Variants in TMEM44 observed in about 807,000 individuals in gnomAD.
TMEM44 encodes transmembrane protein 44.
A neutral mutation model predicts 47.8 loss-of-function variants in TMEM44; 43 were observed. That is an observed-to-expected ratio of 0.90 (90% CI 0.70 to 1.16). TMEM44 has a LOEUF of 1.16. TMEM44 is among the 50% of genes most tolerant of loss of function. The probability of loss-of-function intolerance (pLI) is 0.00; values close to 1 mark genes in which losing one functional copy is unlikely to be tolerated. For missense variants in TMEM44, 568 were observed against 555.2 expected (o/e 1.02, Z -0.23); for synonymous variants, 277 against 238.8 (o/e 1.16, Z -1.48).
At chr3:194,594,224 T>C (rs781563500) in intron 9 of TMEM44, among the ~76,000 whole-genome samples, 1 of 151,812 alleles carries the variant, frequency 6.6e-6, no homozygotes, top group Non-Finnish European at 1.5e-5. Context: ...AGTGTAATGG[T>C]ACGATCTCGG....
rs189227954 is a variant in TMEM44 at position 194,592,655 on chromosome 3, G to T, written c.1177-4016C>A. On this transcript the variant is annotated intron_variant, in intron 9 of 9. Coordinates refer to ENST00000347147, the MANE Select transcript of TMEM44 (RefSeq NM_001011655.3). ...TTTGAGATGGAGTTTCACTCTTGTTGCCCAGGCTGGAGTGCAATGGTGCAA... is the reference window on the plus strand; with the variant it reads ...TTTGAGATGGAGTTTCACTCTTGTTTCCCAGGCTGGAGTGCAATGGTGCAA... Among the ~76,000 whole-genome samples, 22 of 150,774 alleles carry T rather than the reference G, an allele frequency of 1.5e-4. No homozygotes were observed. The East Asian group carries it at 3.9e-3, about 27-fold the overall frequency.
intron 8 of TMEM44, among the ~76,000 whole-genome samples, chr3:194,605,223 C>T (rs946444158): frequency 6.6e-6 from 1 of 151,820 alleles, no homozygotes; most frequent in Non-Finnish European, 1.5e-5. Flanking sequence ...AAGCTTCCCC[C>T]CATGGGCTCA....
chr3:194,624,768 G>A (rs1716958532), intron 3 of TMEM44, among the ~76,000 whole-genome samples: 3 of 149,426 alleles, frequency 2.0e-5, no homozygotes, highest in Admixed American at 6.7e-5. Flanking sequence ...TGTTGCCCAC[G>A]TTGGAGTGCA....
At chr3:194,609,572 T>C (rs1033707268) in intron 8 of TMEM44, among the ~76,000 whole-genome samples, 2 of 152,074 alleles carry the variant, frequency 1.3e-5, no homozygotes, top group African/African-American at 4.8e-5. Context: ...CTTGGTGGAA[T>C]AGTGGGACAT....
chr3:194,619,098 G>GTGGGGC (rs1716257959), intron 5 of TMEM44, among the ~76,000 whole-genome samples: 1 of 152,264 alleles, frequency 6.6e-6, no homozygotes, highest in African/African-American at 2.4e-5. Flanking sequence ...GACGGCCAGA[G>GTGGGGC]TGGGGCTGGG....
At chr3:194,619,046 C>T (rs573315375) in intron 5 of TMEM44, among the ~76,000 whole-genome samples, 2 of 152,206 alleles carry the variant, frequency 1.3e-5, no homozygotes, top group Non-Finnish European at 2.9e-5. Flanking sequence ...GTGCTTGGGG[C>T]CCCCCGACCT....
chr3:194,622,175 G>A (rs999910020), intron 5 of TMEM44, among the ~76,000 whole-genome samples: 35 of 152,310 alleles, frequency 2.3e-4, no homozygotes, highest in Non-Finnish European at 2.2e-4. Context: ...AGGCGCTTTC[G>A]CACGTGGGGG....
intron 8 of TMEM44, among the ~76,000 whole-genome samples, chr3:194,607,203 C>T (rs1714875204): frequency 6.6e-6 from 1 of 151,930 alleles, no homozygotes; most frequent in Non-Finnish European, 1.5e-5. Flanking sequence ...GCACCCCTTC[C>T]TCTCTCTCCT....
At chr3:194,606,087 C>A (rs1277851327) in intron 8 of TMEM44, among the ~76,000 whole-genome samples, 4 of 152,174 alleles carry the variant, frequency 2.6e-5, no homozygotes, top group Admixed American at 2.6e-4. Flanking sequence ...CCAGGAACAA[C>A]AATGACAAAT....
At chr3:194,620,513 G>A (rs954167919) in intron 5 of TMEM44, among the ~76,000 whole-genome samples, 16 of 152,172 alleles carry the variant, frequency 1.1e-4, no homozygotes, top group African/African-American at 3.4e-4. Context: ...TGCCTGCAAT[G>A]CAGTGGGAAA....
chr3:194,593,860 T>G (rs7646940), intron 9 of TMEM44, among the ~76,000 whole-genome samples: 140,503 of 152,200 alleles, frequency 0.92, 64,919 homozygotes, highest in East Asian at 0.98. Flanking sequence ...GCCCAGGCTG[T>G]AGTGCAGTGG....
At chr3:194,628,536 C>A in intron 1 of TMEM44, 27 bp from the exon 2 acceptor site, 1 of 1,586,090 alleles carries the variant, frequency 6.3e-7, no homozygotes, top group Non-Finnish European at 8.6e-7. Flanking sequence ...GTGGACAGAA[C>A]ACAGCAACTG....
chr3:194,599,104 G>A (rs546536801), intron 9 of TMEM44, among the ~76,000 whole-genome samples: 1 of 152,296 alleles, frequency 6.6e-6, no homozygotes, highest in East Asian at 1.9e-4. Context: ...AATTCTCTTG[G>A]GAGCAAAAGA....
At chr3:194,608,542 G>T (rs887287877) in intron 8 of TMEM44, among the ~76,000 whole-genome samples, 1 of 152,250 alleles carries the variant, frequency 6.6e-6, no homozygotes, top group Non-Finnish European at 1.5e-5. Context: ...ATAAAATAGA[G>T]GAGAAGGACA....
intron 9 of TMEM44, chr3:194,596,955 G>C (rs1311781846): frequency 6.6e-6 from 1 of 152,288 alleles, no homozygotes; most frequent in Non-Finnish European, 1.5e-5. Context: ...ACAAGCAGTT[G>C]GGTTATCAAG....
intron 5 of TMEM44, 162 bp downstream of exon 5, chr3:194,623,062 C>A (rs987950806): frequency 4.6e-6 from 3 of 648,062 alleles, no homozygotes; most frequent in East Asian, 6.8e-5. Context: ...CACACACCCC[C>A]TCCTTGCTGT....
chr3:194,605,778 G>A (rs910594680), intron 8 of TMEM44, among the ~76,000 whole-genome samples: 4 of 152,192 alleles, frequency 2.6e-5, no homozygotes, highest in Admixed American at 6.5e-5. Context: ...TATAAAAGGG[G>A]ATGATAATCC....
intron 9 of TMEM44, among the ~76,000 whole-genome samples, chr3:194,595,508 C>G (rs529632274): frequency 1.3e-5 from 2 of 152,064 alleles, no homozygotes; most frequent in African/African-American, 2.4e-5. Flanking sequence ...TTTACTCTTA[C>G]CTTTGGGGAG....
chr3:194,602,996 T>C (rs1182866010), intron 9 of TMEM44, among the ~76,000 whole-genome samples: 3 of 152,200 alleles, frequency 2.0e-5, no homozygotes, highest in African/African-American at 7.2e-5. Context: ...CCAAAACAGT[T>C]GGGAGGACAC....
Sources: gnomAD v4.1 joint callset for allele counts (sites outside exome capture counted in the v4.1 genomes callset) on GRCh38, gnomAD v4.1.1 for gene constraint, MANE v1.5 for transcripts, NCBI Gene and HGNC (gene_info 2026-07-23, HGNC 2026-07-21) for gene names.